Variants in ZSCAN25 observed in about 807,000 individuals in gnomAD.
ZSCAN25 encodes the protein zinc finger and SCAN domain-containing protein 25.
Under a neutral mutation model 38.7 loss-of-function variants are expected in ZSCAN25, and 27 were observed. That is an observed-to-expected ratio of 0.70 (90% CI 0.51 to 0.96). The LOEUF (loss-of-function observed/expected upper bound fraction) is 0.96. Among genes scored for constraint, ZSCAN25 ranks in the 40% least tolerant of loss-of-function variants. The pLI, the probability that ZSCAN25 is intolerant of heterozygous loss-of-function variation, is 0.00. For synonymous variants in ZSCAN25, 273 were observed against 277.7 expected (o/e 0.98, Z 0.17); for missense variants, 637 against 705.9 (o/e 0.90, Z 1.11).
chr7:99,633,300 G>T (rs1034349196), downstream of ZSCAN25, among the ~76,000 whole-genome samples: 5 of 152,144 alleles, frequency 3.3e-5, no homozygotes, highest in African/African-American at 1.2e-4. Context: ...ATTGTGACAT[G>T]CCCTGTTTCT....
the ZSCAN25 span, among the ~76,000 whole-genome samples, chr7:99,640,285 A>G: frequency 6.6e-6 from 1 of 152,100 alleles, no homozygotes; most frequent in Non-Finnish European, 1.5e-5. Context: ...CAGCCCCCAG[A>G]GTAGCTGGGA....
chr7:99,708,708 G>GA, the ZSCAN25 span, among the ~76,000 whole-genome samples: 1 of 152,020 alleles, frequency 6.6e-6, no homozygotes, highest in Non-Finnish European at 1.5e-5. Flanking sequence ...GTATATTCAG[G>GA]AAAAAATATT....
chr7:99,645,414 C>G, the ZSCAN25 span, among the ~76,000 whole-genome samples: 1 of 152,280 alleles, frequency 6.6e-6, no homozygotes, highest in African/African-American at 2.4e-5. Context: ...AGTAGTACTG[C>G]AGTGAACATA....
At chr7:99,676,041 G>T in the ZSCAN25 span, 1 of 1,301,556 alleles carries the variant, frequency 7.7e-7, no homozygotes, top group Non-Finnish European at 1.1e-6. Flanking sequence ...TCCCAAGGAG[G>T]GGCATTTTTA....
the ZSCAN25 span, among the ~76,000 whole-genome samples, chr7:99,701,387 C>T: frequency 2.0e-5 from 3 of 152,174 alleles, no homozygotes; most frequent in Non-Finnish European, 2.9e-5. Context: ...CAAATCTTGG[C>T]ATTTGTGAAT....
the ZSCAN25 span, among the ~76,000 whole-genome samples, chr7:99,665,991 G>A: frequency 6.6e-6 from 1 of 152,188 alleles, no homozygotes; most frequent in African/African-American, 2.4e-5. Context: ...CATGTCCCAA[G>A]TCTGAACAGG....
the ZSCAN25 span, chr7:99,685,294 A>G: frequency 1.2e-6 from 2 of 1,603,494 alleles, no homozygotes; most frequent in Non-Finnish European, 8.5e-7. Flanking sequence ...TAGAAACTGT[A>G]GCATCAAAGT....
At chr7:99,657,022 A>G in the ZSCAN25 span, among the ~76,000 whole-genome samples, 1 of 152,110 alleles carries the variant, frequency 6.6e-6, no homozygotes, top group East Asian at 1.9e-4. Context: ...TGATCTTTTC[A>G]AAAAACCAGC....
At chr7:99,669,565 A>T in the ZSCAN25 span, among the ~76,000 whole-genome samples, 596 of 152,314 alleles carry the variant, frequency 3.9e-3, 8 homozygotes, top group Non-Finnish European at 6.2e-3. Flanking sequence ...TATAGCCAGG[A>T]GAATTGGAGA....
the ZSCAN25 span, chr7:99,660,645 C>G: frequency 6.2e-7 from 1 of 1,613,696 alleles, no homozygotes; most frequent in Admixed American, 1.7e-5. Context: ...GCTGCGAGCT[C>G]CAGATCAGAC....
Position 99,624,193 on chromosome 7 carries a change from C to T in ZSCAN25, c.805+13C>T. The stretch of plus-strand genomic sequence containing the variant: ...AGGGTCTCTCCAGGTAAGACTGTCT[C>T]CACCCACAGGTGAGGAACTGGGGAG... On this transcript the variant is annotated intron_variant, in intron 7 of 7. Coordinates refer to ENST00000394152, the MANE Select transcript of ZSCAN25 (RefSeq NM_145115.3). 1 of 1,613,262 alleles carries T rather than the reference C, an allele frequency of 6.2e-7. No homozygotes were observed. The highest frequency in any genetic ancestry group is 8.5e-7 in the Non-Finnish European group (1 of 1,179,862).
chr7:99,715,809 T>C, the ZSCAN25 span: 1 of 1,613,936 alleles, frequency 6.2e-7, no homozygotes. Flanking sequence ...AGCTTCTTGG[T>C]GTTTTCCACA....
At chr7:99,715,824 G>A in the ZSCAN25 span, 1 of 1,613,848 alleles carries the variant, frequency 6.2e-7, no homozygotes, top group Non-Finnish European at 8.5e-7. Flanking sequence ...TCCACAAAGG[G>A]GTCTTGTGGA....
the ZSCAN25 span, chr7:99,652,422 C>A: frequency 4.6e-5 from 29 of 630,700 alleles, no homozygotes; most frequent in Non-Finnish European, 5.5e-5. Flanking sequence ...ATAATTATCA[C>A]TTTTTTGTGA....
chr7:99,671,396 G>C, the ZSCAN25 span: 1 of 163,296 alleles, frequency 6.1e-6, no homozygotes, highest in African/African-American at 2.4e-5. Flanking sequence ...AAGAGTTACT[G>C]TACAGCTACT....
At chr7:99,663,731 T>A in the ZSCAN25 span, 2 of 1,156,422 alleles carry the variant, frequency 1.7e-6, no homozygotes, top group African/African-American at 1.6e-5. Context: ...TCAATACTGT[T>A]TATATCATGA....
At chr7:99,737,225 C>G in the ZSCAN25 span, among the ~76,000 whole-genome samples, 2 of 152,050 alleles carry the variant, frequency 1.3e-5, no homozygotes, top group African/African-American at 4.8e-5. Flanking sequence ...TGATACTGAT[C>G]ACAATAAAAT....
the ZSCAN25 span, among the ~76,000 whole-genome samples, chr7:99,700,444 C>T: frequency 5.9e-5 from 9 of 152,098 alleles, no homozygotes; most frequent in African/African-American, 1.7e-4. Flanking sequence ...CAGATCTTTA[C>T]CCATGCAATT....
At chr7:99,718,799 C>T in the ZSCAN25 span, among the ~76,000 whole-genome samples, 3 of 152,188 alleles carry the variant, frequency 2.0e-5, no homozygotes, top group African/African-American at 7.2e-5. Context: ...TAAGTCAGCT[C>T]GGCAAGGTTC....
Sources: gnomAD v4.1 joint callset for allele counts (sites outside exome capture counted in the v4.1 genomes callset) on GRCh38, gnomAD v4.1.1 for gene constraint, MANE v1.5 for transcripts, NCBI Gene and HGNC (gene_info 2026-07-23, HGNC 2026-07-21) for gene names.